WASHC2A: variants seen among roughly 807,000 people sequenced by gnomAD.
WASHC2A encodes WASH complex subunit 2A.
In WASHC2A, 82 loss-of-function variants were observed where a neutral mutation model predicts 140.3. The observed-to-expected ratio is 0.58, with a 90% CI of 0.49 to 0.70. The LOEUF (loss-of-function observed/expected upper bound fraction) is 0.70, where lower values mean the gene tolerates loss of function less well. Among genes scored for constraint, WASHC2A ranks in the 30% least tolerant of loss-of-function variants. The pLI is 0.00. For missense variants in WASHC2A, 985 were observed against 1,521.8 expected (o/e 0.65, Z 5.87); for synonymous variants, 340 against 560.8 (o/e 0.61, Z 5.56).
intron 20 of WASHC2A, among the ~76,000 whole-genome samples, chr10:50,113,512 G>A (rs568745549): frequency 2.0e-5 from 3 of 151,890 alleles, no homozygotes; most frequent in Non-Finnish European, 2.9e-5. Flanking sequence ...CTTGGCAACC[G>A]TCTTCATGAC....
chr10:50,091,498 G>A lies in WASHC2A; in HGVS notation c.911G>A (p.Arg304Gln), dbSNP rs1384907560. ...AARIKGDAVG[R>Q]VDEEPTTLPS... ...CGCATCAAGGGGGATGCCGTGGGTC[G>A]AGTGGACGAGGAGCCGACAAGTGAG... is the stretch of plus-strand genomic sequence containing the variant. The change falls in exon 10 of 31, where the codon CGA (arginine) becomes CAA (glutamine). Residue 304 changes from arginine to glutamine, a missense_variant. By Grantham distance (43) the Arg-to-Gln change is conservative. Coordinates refer to ENST00000282633, the MANE Select transcript of WASHC2A (RefSeq NM_001005751.3). 5.8e-6 allele frequency: 9 copies of A among 1,550,018 alleles called. No individual in the cohort carries two copies. Among genetic ancestry groups the A allele is most frequent in the African/African-American group, 4.1e-5 (3 of 73,062 alleles).
In WASHC2A at chr10:50,129,835, G is replaced by A. The variant is rs1245245292; in HGVS notation, c.3504G>A (p.Lys1168=). 6.2e-7 allele frequency: 1 copy of A among 1,612,030 alleles called. No individual in the cohort carries two copies. Among genetic ancestry groups the A allele is most frequent in the Admixed American group, 1.7e-5 (1 of 60,020 alleles). Residue 1168 remains lysine (K), a synonymous_variant, in exon 29 of 31, where the codon AAG becomes AAA. Transcript: ENST00000282633. The stretch of plus-strand genomic sequence containing the variant: ...ACCCACCAGTGGGTGGTAAAGCAAA[G>A]AGCCCCATGTTTCCTGCTCTAGGTG... The part of the protein sequence containing the change: ...PANPPVGGKA[K]SPMFPALGEA...
At chr10:50,124,849 G>A (rs1843289877) in intron 23 of WASHC2A, among the ~76,000 whole-genome samples, 1 of 148,208 alleles carries the variant, frequency 6.7e-6, no homozygotes, top group Non-Finnish European at 1.5e-5. Context: ...AACCTGGAAA[G>A]ATTATCTCTA....
chr10:50,072,269 G>A (rs1837908444), intron 3 of WASHC2A, among the ~76,000 whole-genome samples: 1 of 150,512 alleles, frequency 6.6e-6, no homozygotes, highest in African/African-American at 2.4e-5. Context: ...AAGTCTTGAT[G>A]CCCCTTCGCC....
At chr10:50,070,600 A>G (rs2132305584) in intron 3 of WASHC2A, among the ~76,000 whole-genome samples, 1 of 147,004 alleles carries the variant, frequency 6.8e-6, no homozygotes, top group African/African-American at 2.5e-5. Context: ...GCATTTTTTA[A>G]TAGCTGGAGT....
At chr10:50,077,924 CG>C (rs1375968818) in intron 3 of WASHC2A, among the ~76,000 whole-genome samples, 1 of 136,740 alleles carries the variant, frequency 7.3e-6, no homozygotes, top group Non-Finnish European at 1.6e-5. Flanking sequence ...CCCCTTGCCT[CG>C]GTCTCAGAGA....
At chr10:50,113,175 C>T (rs1312775921) in intron 20 of WASHC2A, among the ~76,000 whole-genome samples, 2,036 of 151,152 alleles carry the variant, frequency 0.013, 44 homozygotes, top group African/African-American at 0.047. Flanking sequence ...TGAGACCAGC[C>T]TGAGCAACAT....
rs370912269 is a variant in WASHC2A at position 50,085,267 on chromosome 10, A to G, written c.623-230A>G. 8.0e-5 allele frequency among the ~76,000 whole-genome samples: 9 copies of G among 112,106 alleles called. 3 individuals are homozygous for G. The highest frequency in any genetic ancestry group is 3.5e-4 in the African/African-American group (9 of 26,030). 73.5% of individuals were successfully genotyped at this position (112,106 alleles called of 152,430 possible). A position where few individuals can be genotyped will look rare whatever the true frequency, so the allele number is the denominator to read the frequency against. On this transcript the variant is annotated intron_variant, in intron 6 of 30. Coordinates refer to ENST00000282633, the MANE Select transcript of WASHC2A (RefSeq NM_001005751.3). ...TATGACCCTGACATCTTTAAAGAGT[A>G]CAAGCAATTTTTTTTTTATTTGTAA...
chr10:50,105,964 G>T (rs1349331200), intron 18 of WASHC2A, among the ~76,000 whole-genome samples: 5 of 152,086 alleles, frequency 3.3e-5, no homozygotes, highest in Non-Finnish European at 7.3e-5. Context: ...GTGAGTTTCT[G>T]GCTGCTGCGG....
Position 50,080,863 on chromosome 10 carries a change from A to T in WASHC2A, c.460A>T (p.Lys154Ter). ...CAGTGCCTTTGAGCAACTTGATATCAAAGCAGGAAACTCAGACTCCGAGGA... is the reference window on the plus strand; with the variant it reads ...CAGTGCCTTTGAGCAACTTGATATCTAAGCAGGAAACTCAGACTCCGAGGA... The part of the protein sequence containing the change: ...LDSAFEQLDI[K>*]AGNSDSEEDD... The change falls in exon 5 of 31, where the codon AAA becomes TAA. Residue 154 changes from lysine (K) to a stop codon, truncating the protein, a stop_gained. Transcript: ENST00000282633. LOFTEE classifies it high-confidence loss of function. 1.7e-6 allele frequency: 1 copy of T among 576,796 alleles called. No homozygotes were observed. The highest frequency in any genetic ancestry group is 2.9e-6 in the Non-Finnish European group (1 of 350,054). The allele number at this position is 576,796 out of a possible 1,614,324, so 35.7% of individuals were successfully genotyped here. A position where few individuals can be genotyped will look rare whatever the true frequency, so the allele number is the denominator to read the frequency against.
intron 14 of WASHC2A, among the ~76,000 whole-genome samples, 168 bp from the exon 15 acceptor site, chr10:50,095,431 C>T (rs1455284502): frequency 6.6e-5 from 10 of 152,090 alleles, no homozygotes; most frequent in Admixed American, 1.3e-4. Context: ...GGTGATTCTC[C>T]GTTGTGAGAT....
intron 16 of WASHC2A, among the ~76,000 whole-genome samples, chr10:50,098,330 C>T (rs1416671234): frequency 6.6e-6 from 1 of 151,966 alleles, no homozygotes; most frequent in Non-Finnish European, 1.5e-5. Flanking sequence ...CTGCAATTTC[C>T]TCTCTTGTCC....
At chr10:50,128,472 T>G (rs2133097543) in intron 28 of WASHC2A, among the ~76,000 whole-genome samples, 1 of 152,338 alleles carries the variant, frequency 6.6e-6, no homozygotes, top group Admixed American at 6.5e-5. Context: ...GAAGTTTTCC[T>G]TTCATTGTAG....
intron 16 of WASHC2A, among the ~76,000 whole-genome samples, chr10:50,099,269 C>CTTTTTTTTTT: frequency 7.3e-6 from 1 of 136,168 alleles, no homozygotes; most frequent in African/African-American, 2.7e-5. Flanking sequence ...CATTCTTCTT[C>CTTTTTTTTTT]TTTTTTTTTT....
intron 15 of WASHC2A, 75 bp downstream of exon 15, chr10:50,095,853 T>G (rs1589211025): frequency 1.3e-6 from 2 of 1,546,796 alleles, no homozygotes; most frequent in South Asian, 1.2e-5. Flanking sequence ...TAAGCTCACC[T>G]AGTTCTGTAT....
At chr10:50,129,008 G>A (rs1485420569) in intron 28 of WASHC2A, among the ~76,000 whole-genome samples, 3 of 152,004 alleles carry the variant, frequency 2.0e-5, no homozygotes, top group Middle Eastern at 3.2e-3. Flanking sequence ...ACAAAGGTTA[G>A]TACCAGAATT....
intron 28 of WASHC2A, among the ~76,000 whole-genome samples, chr10:50,128,311 C>T (rs1334731576): frequency 6.6e-6 from 1 of 152,188 alleles, no homozygotes; most frequent in Admixed American, 6.5e-5. Flanking sequence ...GCCCAAGGCT[C>T]CTGCTGCCTC....
In WASHC2A at chr10:50,114,384, A is replaced by C. The variant is rs1303020394; in HGVS notation, c.2142+387A>C. 5.4e-5 allele frequency among the ~76,000 whole-genome samples: 5 copies of C among 92,596 alleles called. 1 individual carries two copies. Among genetic ancestry groups the C allele is most frequent in the Non-Finnish European group, 1.1e-4 (5 of 45,364 alleles). The allele number at this position is 92,596 out of a possible 152,430, so 60.7% of individuals were successfully genotyped here. ...AAGGAAGGAAATTCTCACATGTGCT[A>C]CAAAATGCATGAACCTTGAGGCCGT... is the stretch of plus-strand genomic sequence containing the variant. On this transcript the variant is annotated intron_variant, in intron 21 of 30. Transcript: ENST00000282633.
At chr10:50,070,946 C>T (rs1483234993) in intron 3 of WASHC2A, among the ~76,000 whole-genome samples, 1 of 86,136 alleles carries the variant, frequency 1.2e-5, no homozygotes, top group Non-Finnish European at 2.5e-5. Context: ...GCAGGAGAAT[C>T]GCTTGAACCT....
Sources: gnomAD v4.1 joint callset for allele counts (sites outside exome capture counted in the v4.1 genomes callset) on GRCh38, gnomAD v4.1.1 for gene constraint, MANE v1.5 for transcripts, NCBI Gene and HGNC (gene_info 2026-07-23, HGNC 2026-07-21) for gene names.